Variants in EXOC6B observed in about 807,000 individuals in gnomAD.
EXOC6B encodes the protein exocyst complex component 6B.
EXOC6B carries 54 observed loss-of-function variants against 113.5 expected under a neutral mutation model. The observed-to-expected ratio is 0.48, with a 90% CI of 0.38 to 0.60. The LOEUF is 0.60. Ranked by LOEUF, EXOC6B falls within the 20% of genes least tolerant of loss-of-function variation. The pLI is 0.00. For missense variants in EXOC6B, 797 were observed against 977.5 expected, an observed-to-expected ratio of 0.82 and a Z score of 2.46; for synonymous variants, 357 against 339.0, an observed-to-expected ratio of 1.05 and a Z score of -0.58.
At chr2:72,275,880 A>T (rs1684781800) in intron 20 of EXOC6B, among the ~76,000 whole-genome samples, 1 of 152,176 alleles carries the variant, frequency 6.6e-6, no homozygotes, top group South Asian at 2.1e-4. Context: ...GTGGTGGTCT[A>T]CATGGAGTAA....
At chr2:72,468,155 T>G (rs1029160095) in intron 17 of EXOC6B, among the ~76,000 whole-genome samples, 4 of 152,190 alleles carry the variant, frequency 2.6e-5, no homozygotes, top group Admixed American at 2.6e-4. Context: ...ATAATCAATC[T>G]GATTTGTCTT....
chr2:72,335,228 GA>G, intron 19 of EXOC6B: 1 of 556,024 alleles, frequency 1.8e-6, no homozygotes, highest in Non-Finnish European at 3.2e-6. Context: ...TGACAGCAAG[GA>G]AACTGTACTA....
chr2:72,593,765 T>C lies in EXOC6B; in HGVS notation c.670-18097A>G, dbSNP rs531511867. ...AAACCCAACATTCAATGGATAAAAA[T>C]AGAATATTACAAACAACTTTATGCC... On this transcript the variant is annotated intron_variant, in intron 6 of 21. Coordinates refer to ENST00000272427, the MANE Select transcript of EXOC6B (RefSeq NM_015189.3). 5.3e-5 allele frequency among the ~76,000 whole-genome samples: 8 copies of C among 151,680 alleles called. 1 individual carries two copies. The highest frequency in any genetic ancestry group is 1.9e-4 in the African/African-American group (8 of 41,344).
At chr2:72,453,911 G>A (rs1007069662) in intron 18 of EXOC6B, among the ~76,000 whole-genome samples, 4 of 152,176 alleles carry the variant, frequency 2.6e-5, no homozygotes, top group African/African-American at 9.7e-5. Flanking sequence ...TGGCTGGTCA[G>A]GCCTCAGGAA....
rs1677735659 is a variant in EXOC6B, at chr2:72,176,369, T to C, written c.*2966A>G. Reference sequence around the variant, plus strand: ...TAAGGTAGGGGAATTTCTGCAGCAGTTCCTAGAGAGTGTGCTCAGAGGCCT... The same window carrying C: ...TAAGGTAGGGGAATTTCTGCAGCAGCTCCTAGAGAGTGTGCTCAGAGGCCT... On this transcript the variant is annotated 3_prime_UTR_variant, in exon 22 of 22. Transcript: ENST00000272427. The C allele has an allele frequency of 6.6e-6, 1 of 151,942 alleles. No individual in the cohort carries two copies. Among genetic ancestry groups the C allele is most frequent in the South Asian group, 2.1e-4 (1 of 4,810 alleles). 9.4% of individuals were successfully genotyped at this position (151,942 alleles called of 1,614,324 possible).
chr2:72,810,049 T>C (rs1685797591), intron 1 of EXOC6B, among the ~76,000 whole-genome samples: 1 of 152,140 alleles, frequency 6.6e-6, no homozygotes, highest in South Asian at 2.1e-4. Flanking sequence ...TACAGTATGT[T>C]CTCCAACCAT....
At position 72,228,439 on chromosome 2, in the gene EXOC6B, C is replaced by T. The variant is rs1488257838; in HGVS notation, c.2197-44252G>A. Among the ~76,000 whole-genome samples, 104 of 145,788 alleles carry T rather than the reference C, an allele frequency of 7.1e-4. 1 individual carries two copies. Among genetic ancestry groups the T allele is most frequent in the Admixed American group, 4.9e-4 (7 of 14,418 alleles). On this transcript the variant is annotated intron_variant, in intron 20 of 21. Transcript: ENST00000272427. ...CCCCTCCCCTCACCCCACAATAGGC[C>T]CCAGTGTGTGATGTTCCCCTTCCTG... is the stretch of plus-strand genomic sequence containing the variant.
intron 1 of EXOC6B, among the ~76,000 whole-genome samples, chr2:72,748,764 A>G (rs1021963451): frequency 6.6e-6 from 1 of 152,050 alleles, no homozygotes; most frequent in African/African-American, 2.4e-5. Flanking sequence ...GAATAAAAGC[A>G]GGGTGGAGCA....
intron 18 of EXOC6B, among the ~76,000 whole-genome samples, chr2:72,411,156 G>A (rs1033896084): frequency 6.6e-6 from 1 of 152,152 alleles, no homozygotes; most frequent in South Asian, 2.1e-4. Flanking sequence ...AGGCTGCAGT[G>A]AGCTGTGATT....
At chr2:72,453,495 T>C (rs1323553975) in intron 18 of EXOC6B, among the ~76,000 whole-genome samples, 2 of 152,186 alleles carry the variant, frequency 1.3e-5, no homozygotes, top group Admixed American at 6.5e-5. Flanking sequence ...TTTTTCTCAC[T>C]ATGAACATGT....
intron 20 of EXOC6B, among the ~76,000 whole-genome samples, chr2:72,191,586 T>G (rs1456687194): frequency 2.0e-5 from 3 of 152,200 alleles, no homozygotes; most frequent in Non-Finnish European, 4.4e-5. Flanking sequence ...AGGCCAAATT[T>G]CTGAACAGAC....
At chr2:72,778,254 A>T (rs1333121455) in intron 1 of EXOC6B, among the ~76,000 whole-genome samples, 1 of 152,218 alleles carries the variant, frequency 6.6e-6, no homozygotes, top group Non-Finnish European at 1.5e-5. Context: ...CACTCACTTT[A>T]GATCCCAAGA....
intron 1 of EXOC6B, among the ~76,000 whole-genome samples, chr2:72,821,097 A>G (rs539664654): frequency 6.6e-6 from 1 of 152,250 alleles, no homozygotes; most frequent in South Asian, 2.1e-4. Flanking sequence ...TACAAATCAT[A>G]TATCTGATAA....
intron 18 of EXOC6B, among the ~76,000 whole-genome samples, chr2:72,396,898 T>A (rs1665233001): frequency 6.6e-6 from 1 of 152,116 alleles, no homozygotes; most frequent in South Asian, 2.1e-4. Flanking sequence ...ATTTATTATT[T>A]ACATTGTACT....
intron 6 of EXOC6B, among the ~76,000 whole-genome samples, chr2:72,614,278 T>A (rs1671253427): frequency 6.6e-6 from 1 of 152,098 alleles, no homozygotes; most frequent in Non-Finnish European, 1.5e-5. Flanking sequence ...GTAGAGAATA[T>A]ATATCCCACA....
At chr2:72,601,959 T>C (rs1252960131) in intron 6 of EXOC6B, among the ~76,000 whole-genome samples, 1 of 152,144 alleles carries the variant, frequency 6.6e-6, no homozygotes, top group Admixed American at 6.5e-5. Context: ...CATTCTGAAA[T>C]AAGCAAAACT....
intron 6 of EXOC6B, among the ~76,000 whole-genome samples, chr2:72,695,349 T>A (rs1366449545): frequency 1.3e-5 from 2 of 152,152 alleles, no homozygotes; most frequent in Non-Finnish European, 2.9e-5. Flanking sequence ...TTCACGTACA[T>A]CAGGAAACTG....
At chr2:72,380,564 C>G (rs1207046030) in intron 18 of EXOC6B, among the ~76,000 whole-genome samples, 1 of 151,630 alleles carries the variant, frequency 6.6e-6, no homozygotes, top group African/African-American at 2.4e-5. Flanking sequence ...GGCATAAACC[C>G]GGGAGGCAGA....
Position 72,280,482 on chromosome 2 carries a change from A to G in EXOC6B, c.2196+54465T>C, listed in dbSNP as rs373746854. Among the ~76,000 whole-genome samples, 23 of 152,308 alleles carry G rather than the reference A, an allele frequency of 1.5e-4. 1 individual carries two copies. The highest frequency in any genetic ancestry group is 4.6e-4 in the African/African-American group (19 of 41,572). ...GAATCACTGGACATTAAAATTAAAC[A>G]TAACTTCAGAGATCATTTAATCTAG... On this transcript the variant is annotated intron_variant, in intron 20 of 21. Transcript: ENST00000272427.
Sources: gnomAD v4.1 joint callset for allele counts (sites outside exome capture counted in the v4.1 genomes callset) on GRCh38, gnomAD v4.1.1 for gene constraint, MANE v1.5 for transcripts, NCBI Gene and HGNC (gene_info 2026-07-23, HGNC 2026-07-21) for gene names.